The following RAD51B variants were observed in gnomAD, a reference collection of about 807,000 sequenced individuals.
RAD51B encodes DNA repair protein RAD51 homolog 2.
A neutral mutation model predicts 42.2 loss-of-function variants in RAD51B; 38 were observed. The ratio of observed to expected loss-of-function variants is 0.90; its 90% CI spans 0.70 to 1.18. RAD51B has a LOEUF of 1.18. Among genes scored for constraint, RAD51B ranks in the 50% most tolerant of loss-of-function variants. The pLI is 0.00. For missense variants in RAD51B, 373 were observed against 400.7 expected, an observed-to-expected ratio of 0.93 and a Z score of 0.59; for synonymous variants, 154 against 145.2, an observed-to-expected ratio of 1.06 and a Z score of -0.43.
intron 10 of RAD51B, among the ~76,000 whole-genome samples, chr14:68,548,571 C>T (rs111820784): frequency 1.4e-4 from 21 of 152,208 alleles, no homozygotes; most frequent in African/African-American, 5.1e-4. Flanking sequence ...CCCCATCAGG[C>T]CCTACTCTTA....
rs549757277 is a variant in RAD51B, at chr14:68,277,818, A to C, written c.757-14066A>C. On this transcript the variant is annotated intron_variant, in intron 7 of 10. Transcript: ENST00000471583. Reference sequence around the variant, plus strand: ...TAGTGGCATAATCTTGGCTCACTGCAACCTCCGTCTCCCAGGTTCAAGCAA... The same window carrying C: ...TAGTGGCATAATCTTGGCTCACTGCCACCTCCGTCTCCCAGGTTCAAGCAA... Among the ~76,000 whole-genome samples, 4 of 152,226 alleles carry C rather than the reference A, an allele frequency of 2.6e-5. No homozygotes were observed. In the South Asian group the frequency reaches 8.3e-4, roughly 32 times the overall value.
chr14:68,492,963 T>C (rs566145264), intron 10 of RAD51B, among the ~76,000 whole-genome samples: 173 of 152,350 alleles, frequency 1.1e-3, no homozygotes, highest in African/African-American at 4.1e-3. Flanking sequence ...AGGATTTAAA[T>C]TCTTCTCAGA....
intron 7 of RAD51B, among the ~76,000 whole-genome samples, chr14:67,987,377 T>C (rs1340592289): frequency 6.6e-6 from 1 of 152,160 alleles, no homozygotes; most frequent in Non-Finnish European, 1.5e-5. Flanking sequence ...ACCATTCTAC[T>C]CTCTATGTCC....
intron 7 of RAD51B, among the ~76,000 whole-genome samples, chr14:68,225,227 C>T (rs1022508457): frequency 6.6e-6 from 1 of 152,176 alleles, no homozygotes; most frequent in South Asian, 2.1e-4. Flanking sequence ...ATTATTTGCA[C>T]TAATGGAGGA....
At chr14:68,195,134 T>A (rs1413231111) in intron 7 of RAD51B, among the ~76,000 whole-genome samples, 1 of 152,234 alleles carries the variant, frequency 6.6e-6, no homozygotes, top group Non-Finnish European at 1.5e-5. Context: ...CTATTTTAAA[T>A]AATTAGAATA....
chr14:68,054,221 A>C (rs1323653276), intron 7 of RAD51B, among the ~76,000 whole-genome samples: 3 of 152,162 alleles, frequency 2.0e-5, no homozygotes, highest in Non-Finnish European at 2.9e-5. Context: ...AAAATCCCTG[A>C]GCATGTGTTG....
intron 7 of RAD51B, among the ~76,000 whole-genome samples, chr14:68,116,179 G>A (rs2077544552): frequency 6.6e-6 from 1 of 152,014 alleles, no homozygotes; most frequent in Non-Finnish European, 1.5e-5. Flanking sequence ...GGAAATTATT[G>A]GAGAGTCAGC....
At chr14:68,477,543 A>G in intron 10 of RAD51B, 105 bp from the exon 11 acceptor site, 2 of 1,321,566 alleles carry the variant, frequency 1.5e-6, no homozygotes, top group South Asian at 2.7e-5. Flanking sequence ...ATGAAAGAGG[A>G]CTGCTGTTGG....
chr14:68,169,835 C>T (rs1442438528), intron 7 of RAD51B, among the ~76,000 whole-genome samples: 1 of 152,140 alleles, frequency 6.6e-6, no homozygotes, highest in Non-Finnish European at 1.5e-5. Context: ...TCTTTGTTCA[C>T]CTTACAGTAG....
chr14:68,649,431 C>G (rs10136323), intron 10 of RAD51B, among the ~76,000 whole-genome samples: 56,123 of 152,040 alleles, frequency 0.37, 11,047 homozygotes, highest in African/African-American at 0.46. Context: ...CCACTTTGTA[C>G]TCTCTGTTTC....
chr14:68,479,760 C>A (rs556240257), downstream of RAD51B, among the ~76,000 whole-genome samples: 1 of 150,060 alleles, frequency 6.7e-6, no homozygotes. Flanking sequence ...CCTCAACCTC[C>A]CAGGCTCAAG....
chr14:68,499,253 T>TC (rs1337138906), intron 10 of RAD51B, among the ~76,000 whole-genome samples: 1 of 152,078 alleles, frequency 6.6e-6, no homozygotes, highest in Admixed American at 6.5e-5. Context: ...CAGACTTGAG[T>TC]CCCCCATTGG....
chr14:67,964,377 A>G (rs2074726885), intron 7 of RAD51B, among the ~76,000 whole-genome samples: 1 of 152,186 alleles, frequency 6.6e-6, no homozygotes, highest in African/African-American at 2.4e-5. Context: ...AAGATTAAAA[A>G]CAAAGCAGCT....
rs549521244 is a variant in RAD51B at position 68,677,339 on chromosome 14, C to A, written c.*11+26483C>A. Among the ~76,000 whole-genome samples the A allele has an allele frequency of 1.3e-5, 2 of 152,182 alleles. 1 individual carries two copies. The highest frequency in any genetic ancestry group is 4.8e-5 in the African/African-American group (2 of 41,446). ...GCTTGGAGGCGGGAGAGATTCCTTG[C>A]GCACCCTGCTATTGCACTGCTGCTC... is the stretch of plus-strand genomic sequence containing the variant. On this transcript the variant is annotated intron_variant, in intron 11 of 11. Transcript: ENST00000488612.
rs71129868 is a variant in RAD51B, at chr14:68,151,823, CTT to C, written c.757-140025_757-140024del. 6.2e-3 allele frequency among the ~76,000 whole-genome samples: 248 copies of C among 40,000 alleles called. 2 individuals are homozygous for C. Among genetic ancestry groups the C allele is most frequent in the African/African-American group, 0.022 (231 of 10,622 alleles). 26.2% of individuals were successfully genotyped at this position (40,000 alleles called of 152,430 possible). A position where few individuals can be genotyped will look rare whatever the true frequency, so the allele number is the denominator to read the frequency against. On this transcript the variant is annotated intron_variant, in intron 7 of 10. Transcript: ENST00000471583. ...CAAACATGGACTATAGTTATAAAGACTTTTTTTTTTTTTTTTTTTTTTTTTTT... is the reference window on the plus strand; with the variant it reads ...CAAACATGGACTATAGTTATAAAGACTTTTTTTTTTTTTTTTTTTTTTTTT...
chr14:68,659,301 G>C (rs1892886460), intron 11 of RAD51B, among the ~76,000 whole-genome samples: 2 of 152,206 alleles, frequency 1.3e-5, no homozygotes, highest in South Asian at 4.1e-4. Context: ...CTGGAAGCTG[G>C]GGGAGGGAGT....
At chr14:68,478,564 G>A (rs1008109598), downstream of RAD51B, among the ~76,000 whole-genome samples, 1 of 152,244 alleles carries the variant, frequency 6.6e-6, no homozygotes, top group Non-Finnish European at 1.5e-5. Flanking sequence ...ACTGGGTTCA[G>A]GGCAAGGTCT....
chr14:67,991,171 A>G (rs2075290757), intron 7 of RAD51B, among the ~76,000 whole-genome samples: 1 of 152,172 alleles, frequency 6.6e-6, no homozygotes, highest in Admixed American at 6.5e-5. Flanking sequence ...CCCTAGAGAC[A>G]CAGCCTTCAG....
chr14:68,434,111 C>T (rs1404439057), intron 9 of RAD51B, among the ~76,000 whole-genome samples: 1 of 152,220 alleles, frequency 6.6e-6, no homozygotes, highest in African/African-American at 2.4e-5. Context: ...GAAGCTTCGT[C>T]TCACAGGGGT....
Sources: gnomAD v4.1 joint callset for allele counts (sites outside exome capture counted in the v4.1 genomes callset) on GRCh38, gnomAD v4.1.1 for gene constraint, MANE v1.5 for transcripts, NCBI Gene and HGNC (gene_info 2026-07-23, HGNC 2026-07-21) for gene names.